TRAK1: variants seen among roughly 807,000 people sequenced by gnomAD.
TRAK1 encodes trafficking kinesin protein 1, also known as trafficking kinesin-binding protein 1.
TRAK1 carries 33 observed loss-of-function variants against 92.1 expected under a neutral mutation model. The ratio of observed to expected loss-of-function variants is 0.36; its 90% CI spans 0.27 to 0.48. TRAK1 has a LOEUF of 0.48. Among genes scored for constraint, TRAK1 ranks in the 20% least tolerant of loss-of-function variants. TRAK1 has a pLI of 0.99. For missense variants in TRAK1, 1,123 were observed against 1,257.9 expected (o/e 0.89, Z 1.62); for synonymous variants, 521 against 517.3 (o/e 1.01, Z -0.10).
intron 2 of TRAK1, among the ~76,000 whole-genome samples, chr3:42,141,675 C>T (rs1698667866): frequency 6.6e-6 from 1 of 152,152 alleles, no homozygotes; most frequent in African/African-American, 2.4e-5. Context: ...TGCCGGCCAT[C>T]CTCGACATTG....
rs397959962 is a variant in TRAK1 at position 42,121,259 on chromosome 3, C to CTTTT, written c.92-4146_92-4143dup. On this transcript the variant is annotated intron_variant, in intron 1 of 15. Coordinates refer to ENST00000327628, the MANE Select transcript of TRAK1 (RefSeq NM_001042646.3). The stretch of plus-strand genomic sequence containing the variant: ...ATGGTGAAAGCATTCCTGGGGAATT[C>CTTTT]TTTTTTTTTTTTTTTTTTGAGACGG... Among the ~76,000 whole-genome samples, 47 of 131,778 alleles carry CTTTT rather than the reference C, an allele frequency of 3.6e-4. 1 individual carries two copies. Among genetic ancestry groups the CTTTT allele is most frequent in the African/African-American group, 1.3e-3 (46 of 35,638 alleles). The allele number at this position is 131,778 out of a possible 152,430, so 86.5% of individuals were successfully genotyped here. A position where few individuals can be genotyped will look rare whatever the true frequency, so the allele number is the denominator to read the frequency against.
intron 14 of TRAK1, 100 bp downstream of exon 14, chr3:42,210,085 C>CGGCCACGGAGGA: frequency 6.3e-7 from 1 of 1,576,608 alleles, no homozygotes; most frequent in Non-Finnish European, 8.6e-7. Flanking sequence ...CCAGCGGCCA[C>CGGCCACGGAGGA]GGAGGAGGAG....
chr3:42,083,481 A>C (rs1436462178), upstream of TRAK1, among the ~76,000 whole-genome samples: 1 of 152,212 alleles, frequency 6.6e-6, no homozygotes, highest in Non-Finnish European at 1.5e-5. Context: ...CCTCAGGACC[A>C]TCAGGGTCTT....
Position 42,164,181 on chromosome 3 carries a change from T to TC in TRAK1, c.287-12632dup. 2.6e-5 allele frequency among the ~76,000 whole-genome samples: 4 copies of TC among 152,322 alleles called. No homozygotes were observed. The South Asian group carries it at 8.3e-4, about 32-fold the overall frequency. ...CCAGTCCCATGTGGAGCAGAAATACTCTGTGAGTAGTGAAAATATGTGTGT... is the reference window on the plus strand; with the variant it reads ...CCAGTCCCATGTGGAGCAGAAATACTCCTGTGAGTAGTGAAAATATGTGTGT... On this transcript the variant is annotated intron_variant, in intron 2 of 15. Transcript: ENST00000327628.
At chr3:42,204,429 A>G (rs1243258719) in intron 13 of TRAK1, among the ~76,000 whole-genome samples, 1 of 152,270 alleles carries the variant, frequency 6.6e-6, no homozygotes, top group African/African-American at 2.4e-5. Flanking sequence ...CTGTTAGATT[A>G]GCAAGGTGAA....
chr3:42,032,551 A>T (rs928463811), intron 1 of TRAK1, among the ~76,000 whole-genome samples: 15 of 151,712 alleles, frequency 9.9e-5, no homozygotes, highest in Non-Finnish European at 1.6e-4. Flanking sequence ...TCTTATTGAT[A>T]TCCAAATAAA....
At chr3:42,143,535 G>A (rs1279717398) in intron 2 of TRAK1, among the ~76,000 whole-genome samples, 5 of 152,290 alleles carry the variant, frequency 3.3e-5, no homozygotes, top group South Asian at 2.1e-4. Context: ...TGAGGAGTAA[G>A]TGAGATATAA....
chr3:42,193,235 C>A (rs754793030), intron 8 of TRAK1, 30 bp downstream of exon 8: 5 of 1,611,476 alleles, frequency 3.1e-6, no homozygotes, highest in Admixed American at 1.7e-5. Flanking sequence ...CTGGCTGATA[C>A]AACAATGGCC....
intron 1 of TRAK1, among the ~76,000 whole-genome samples, chr3:42,108,349 A>G (rs907726802): frequency 6.6e-6 from 1 of 151,862 alleles, no homozygotes; most frequent in Non-Finnish European, 1.5e-5. Context: ...AAATTAGCCA[A>G]GTGTGGTGCT....
At chr3:42,194,716 C>T (rs1706337908) in intron 9 of TRAK1, 88 bp from the exon 10 acceptor site, 2 of 1,501,696 alleles carry the variant, frequency 1.3e-6, no homozygotes, top group South Asian at 1.3e-5. Flanking sequence ...TCTTAGATTG[C>T]TGTGTCTTTC....
At chr3:42,149,223 C>T in intron 2 of TRAK1, 1 of 1,203,780 alleles carries the variant, frequency 8.3e-7, no homozygotes, top group Non-Finnish European at 1.0e-6. Context: ...TAGGACGATC[C>T]TGGCTACTCC....
At chr3:42,023,860 T>A (rs988457913) in intron 1 of TRAK1, among the ~76,000 whole-genome samples, 1 of 149,218 alleles carries the variant, frequency 6.7e-6, no homozygotes, top group Admixed American at 6.7e-5. Context: ...TTCAAGCAAT[T>A]CTCCTGCCTC....
intron 2 of TRAK1, among the ~76,000 whole-genome samples, chr3:42,167,835 A>G (rs1576749228): frequency 1.3e-5 from 2 of 152,192 alleles, no homozygotes; most frequent in Admixed American, 1.3e-4. Flanking sequence ...AGCTGAGATC[A>G]CGCCACTGCA....
intron 1 of TRAK1, 26 bp downstream of exon 1, chr3:42,091,586 G>C (rs1383375340): frequency 6.2e-7 from 1 of 1,602,262 alleles, no homozygotes; most frequent in African/African-American, 1.4e-5. Context: ...AGGTCTGTCT[G>C]CTGTCTGTTT....
chr3:42,068,029 G>T (rs1703755570), intron 1 of TRAK1, among the ~76,000 whole-genome samples: 1 of 151,900 alleles, frequency 6.6e-6, no homozygotes, highest in South Asian at 2.1e-4. Flanking sequence ...AAATTAGCCG[G>T]GCGTGATGGT....
chr3:42,176,483 C>T (rs762323872), intron 2 of TRAK1, among the ~76,000 whole-genome samples: 21 of 152,166 alleles, frequency 1.4e-4, no homozygotes, highest in Non-Finnish European at 1.6e-4. Flanking sequence ...CTGGCCCCCA[C>T]CCCACCTACT....
At chr3:42,032,706 A>G (rs1702192625) in intron 1 of TRAK1, among the ~76,000 whole-genome samples, 1 of 152,178 alleles carries the variant, frequency 6.6e-6, no homozygotes, top group Non-Finnish European at 1.5e-5. Flanking sequence ...GTAACCCCAT[A>G]AAACAAGTGT....
At chr3:42,205,043 C>T (rs962153560) in intron 13 of TRAK1, among the ~76,000 whole-genome samples, 1 of 152,210 alleles carries the variant, frequency 6.6e-6, no homozygotes, top group Non-Finnish European at 1.5e-5. Context: ...TAAATCACCC[C>T]ACTTTTTGAG....
chr3:42,169,592 A>C (rs915821812), intron 2 of TRAK1, among the ~76,000 whole-genome samples: 3 of 151,568 alleles, frequency 2.0e-5, no homozygotes, highest in Non-Finnish European at 4.4e-5. Flanking sequence ...AATCACTTGA[A>C]CCTGGGAGGC....
Sources: allele counts gnomAD v4.1 joint callset (sites outside exome capture counted in the v4.1 genomes callset), GRCh38; gene constraint gnomAD v4.1.1; transcripts MANE v1.5; gene names NCBI Gene and HGNC (gene_info 2026-07-23, HGNC 2026-07-21).